Variants in DSCAML1 observed in about 807,000 individuals in gnomAD.
The protein encoded by DSCAML1 is DS cell adhesion molecule like 1, also known as cell adhesion molecule DSCAML1.
DSCAML1 carries 38 observed loss-of-function variants against 200.5 expected under a neutral mutation model. That is an observed-to-expected ratio of 0.19 (90% CI 0.15 to 0.25). The LOEUF is 0.25. Among genes scored for constraint, DSCAML1 ranks in the 10% least tolerant of loss-of-function variants. The pLI, the probability that DSCAML1 is intolerant of heterozygous loss-of-function variation, is 1.00. For missense variants in DSCAML1, 2,223 were observed against 2,858.8 expected (o/e 0.78, Z 5.07); for synonymous variants, 1,215 against 1,165.0 (o/e 1.04, Z -0.87).
chr11:117,775,527 T>C lies in DSCAML1; in HGVS notation c.511+1264A>G, dbSNP rs372087848. The stretch of plus-strand genomic sequence containing the variant: ...CTACAAGCTCTGAAGTCAGGAGATA[T>C]AATGGCCTGGCCATCTGCTTGGAAC... On this transcript the variant is annotated intron_variant, in intron 3 of 32. Coordinates refer to ENST00000651296, the MANE Select transcript of DSCAML1 (RefSeq NM_020693.4). 7.9e-5 allele frequency among the ~76,000 whole-genome samples: 12 copies of C among 152,218 alleles called. No homozygotes were observed. The South Asian group carries it at 1.0e-3, about 13-fold the overall frequency.
intron 20 of DSCAML1, among the ~76,000 whole-genome samples, chr11:117,445,452 G>GT (rs1451253701): frequency 2.6e-5 from 4 of 152,222 alleles, no homozygotes; most frequent in African/African-American, 7.2e-5. Context: ...GTGGGGTAGT[G>GT]TAGTGGCTTC....
chr11:117,631,134 G>T lies in DSCAML1; in HGVS notation c.512-98612C>A, dbSNP rs116480203. 4.2e-3 allele frequency among the ~76,000 whole-genome samples: 634 copies of T among 152,292 alleles called. 4 individuals carry two copies. The highest frequency in any genetic ancestry group is 0.014 in the African/African-American group (582 of 41,558). On this transcript the variant is annotated intron_variant, in intron 3 of 32. Coordinates refer to ENST00000651296, the MANE Select transcript of DSCAML1 (RefSeq NM_020693.4). Reference sequence around the variant, plus strand: ...AAGTCACCCTCAGGAAATAGAAAGGGGCCTCTGGAGAAATAGCTCTGCTGG... The same window carrying T: ...AAGTCACCCTCAGGAAATAGAAAGGTGCCTCTGGAGAAATAGCTCTGCTGG...
intron 3 of DSCAML1, among the ~76,000 whole-genome samples, chr11:117,751,013 C>T (rs184095966): frequency 6.6e-6 from 1 of 152,212 alleles, no homozygotes; most frequent in Non-Finnish European, 1.5e-5. Flanking sequence ...AGGCCTCGTG[C>T]TTTTGGGGGT....
intron 27 of DSCAML1, among the ~76,000 whole-genome samples, chr11:117,435,351 A>G (rs1393430355): frequency 6.6e-6 from 1 of 152,216 alleles, no homozygotes; most frequent in South Asian, 2.1e-4. Flanking sequence ...CTGTTTACCA[A>G]CCAACATGGA....
At chr11:117,784,073 A>G (rs1460660936) in intron 1 of DSCAML1, among the ~76,000 whole-genome samples, 1 of 152,228 alleles carries the variant, frequency 6.6e-6, no homozygotes, top group Non-Finnish European at 1.5e-5. Flanking sequence ...GGGATTGTCC[A>G]GCCACCTGTC....
intron 3 of DSCAML1, among the ~76,000 whole-genome samples, chr11:117,640,786 G>A (rs1412377662): frequency 1.3e-5 from 2 of 152,164 alleles, no homozygotes; most frequent in Non-Finnish European, 2.9e-5. Context: ...TGTGCCTGAG[G>A]TTCTTTCTCC....
At chr11:117,757,701 G>A (rs1166602223) in intron 3 of DSCAML1, among the ~76,000 whole-genome samples, 1 of 151,910 alleles carries the variant, frequency 6.6e-6, no homozygotes, top group Admixed American at 6.6e-5. Context: ...CTTGTGGCCG[G>A]GCATGATGGC....
chr11:117,570,727 C>T (rs1025300117), intron 3 of DSCAML1, among the ~76,000 whole-genome samples: 3 of 152,240 alleles, frequency 2.0e-5, no homozygotes, highest in African/African-American at 7.2e-5. Context: ...CCCTAGTGGC[C>T]AGTGGCAGAT....
intron 3 of DSCAML1, among the ~76,000 whole-genome samples, chr11:117,600,777 G>A (rs367599364): frequency 1.2e-3 from 180 of 152,292 alleles, no homozygotes; most frequent in African/African-American, 4.1e-3. Context: ...TTCTCTGGGT[G>A]TTTCCAGGCA....
intron 14 of DSCAML1, among the ~76,000 whole-genome samples, chr11:117,477,198 G>GAC (rs60376380): frequency 0.098 from 14,214 of 144,538 alleles, 730 homozygotes; most frequent in East Asian, 0.18. Context: ...GCTGTCCTTA[G>GAC]ACACACACAC....
Position 117,504,759 on chromosome 11 carries a change from G to A in DSCAML1, c.2182+165C>T, listed in dbSNP as rs533104440. On this transcript the variant is annotated intron_variant, in intron 10 of 32. Coordinates refer to ENST00000651296, the MANE Select transcript of DSCAML1 (RefSeq NM_020693.4). This position sits in a 1 kb window ranked among gnomAD's most constrained non-coding sequence, Gnocchi z 5.0. Reference sequence around the variant, plus strand: ...CCACAGACCCCCGGGGGTGGCTGAGGATGACTCCAGGTGAGGTGTAGCCTG... The same window carrying A: ...CCACAGACCCCCGGGGGTGGCTGAGAATGACTCCAGGTGAGGTGTAGCCTG... Among the ~76,000 whole-genome samples the A allele has an allele frequency of 6.6e-6, 1 of 152,256 alleles. No homozygotes were observed. The highest frequency in any genetic ancestry group is 2.4e-5 in the African/African-American group (1 of 41,556).
At chr11:117,598,456 C>A (rs900688423) in intron 3 of DSCAML1, among the ~76,000 whole-genome samples, 2 of 152,166 alleles carry the variant, frequency 1.3e-5, no homozygotes, top group Non-Finnish European at 2.9e-5. Flanking sequence ...AAGCTACGCC[C>A]AGCTATAACA....
At chr11:117,736,742 A>T (rs2054322831) in intron 3 of DSCAML1, among the ~76,000 whole-genome samples, 1 of 152,254 alleles carries the variant, frequency 6.6e-6, no homozygotes, top group Non-Finnish European at 1.5e-5. Flanking sequence ...TTATCACAGA[A>T]CCATTGGCCC....
upstream of DSCAML1, chr11:117,800,843 G>A (rs2055650518): frequency 6.6e-6 from 1 of 152,152 alleles, no homozygotes; most frequent in Non-Finnish European, 1.5e-5. Flanking sequence ...GAGCCATCCT[G>A]AGAAACAGCA....
chr11:117,440,920 CAAAAAAAAA>C (rs1170541792), intron 21 of DSCAML1, among the ~76,000 whole-genome samples: 464 of 41,114 alleles, frequency 0.011, 7 homozygotes, highest in African/African-American at 0.039. Context: ...GACTCTGTCT[CAAAAAAAAA>C]AAAAAAAAAA....
intron 1 of DSCAML1, among the ~76,000 whole-genome samples, chr11:117,784,922 G>A (rs536363916): frequency 8.5e-5 from 13 of 152,286 alleles, no homozygotes; most frequent in African/African-American, 2.2e-4. Flanking sequence ...CTGAGGGGTC[G>A]AGGGTGCCTA....
intron 4 of DSCAML1, among the ~76,000 whole-genome samples, chr11:117,529,426 A>G (rs1468416467): frequency 2.0e-5 from 3 of 152,132 alleles, no homozygotes; most frequent in Non-Finnish European, 4.4e-5. Context: ...ACCCAGCAGG[A>G]GTACATTTTG....
upstream of DSCAML1, chr11:117,802,126 GTCAC>G (rs1349610266): frequency 1.3e-5 from 2 of 152,186 alleles, no homozygotes; most frequent in African/African-American, 4.8e-5. Flanking sequence ...TGGCCCATGT[GTCAC>G]TCACAAATGT....
intron 3 of DSCAML1, among the ~76,000 whole-genome samples, chr11:117,677,785 T>G (rs144024802): frequency 1.3e-5 from 2 of 152,188 alleles, no homozygotes; most frequent in African/African-American, 2.4e-5. Flanking sequence ...CTAAGGTAAC[T>G]GAGGCACAGA....
Sources: gnomAD v4.1 joint callset for allele counts (sites outside exome capture counted in the v4.1 genomes callset) on GRCh38, gnomAD v4.1.1 for gene constraint, Gnocchi (gnomAD v3.1) non-coding constraint, MANE v1.5 for transcripts, NCBI Gene and HGNC (gene_info 2026-07-23, HGNC 2026-07-21) for gene names.